The following DCLK3 variants were observed in gnomAD, a reference collection of about 807,000 sequenced individuals.
DCLK3 encodes serine/threonine-protein kinase DCLK3.
DCLK3 carries 30 observed loss-of-function variants against 46.4 expected under a neutral mutation model. That is an observed-to-expected ratio of 0.65 (90% CI 0.48 to 0.88). The LOEUF is 0.88. Ranked by LOEUF, DCLK3 falls within the 40% of genes least tolerant of loss-of-function variation. The probability of loss-of-function intolerance (pLI) is 0.00; values close to 1 mark genes in which losing one functional copy is unlikely to be tolerated. For missense variants in DCLK3, 846 were observed against 907.1 expected, an observed-to-expected ratio of 0.93 and a Z score of 0.87; for synonymous variants, 401 against 339.2, an observed-to-expected ratio of 1.18 and a Z score of -2.00.
chr3:36,733,469 C>A (rs371550792), intron 2 of DCLK3, among the ~76,000 whole-genome samples: 1 of 152,218 alleles, frequency 6.6e-6, no homozygotes, highest in East Asian at 1.9e-4. Context: ...TGGATATAAT[C>A]TCTCAGCCAT....
chr3:36,760,948 C>T (rs147859211), intron 1 of DCLK3, among the ~76,000 whole-genome samples: 2 of 152,352 alleles, frequency 1.3e-5, no homozygotes, highest in African/African-American at 2.4e-5. Flanking sequence ...GGGTATCTCG[C>T]TCAGGATCAC....
intron 4 of DCLK3, 141 bp from the exon 5 acceptor site, chr3:36,715,662 A>C (rs1700969586): frequency 7.8e-6 from 6 of 767,842 alleles, no homozygotes; most frequent in Non-Finnish European, 1.1e-5. Context: ...AGAGCAGCAC[A>C]GTCCAATAGA....
intron 1 of DCLK3, among the ~76,000 whole-genome samples, chr3:36,741,063 AG>A (rs1701339241): frequency 6.6e-6 from 1 of 152,238 alleles, no homozygotes. Flanking sequence ...TCACATTTAC[AG>A]TTAAACTACA....
intron 3 of DCLK3, among the ~76,000 whole-genome samples, chr3:36,720,101 C>T (rs1349005709): frequency 1.3e-5 from 2 of 152,160 alleles, no homozygotes; most frequent in South Asian, 4.1e-4. Context: ...GGGGTGGATC[C>T]TTCATGAATG....
intron 1 of DCLK3, among the ~76,000 whole-genome samples, chr3:36,743,599 C>T (rs942482031): frequency 1.3e-5 from 2 of 152,146 alleles, no homozygotes; most frequent in Non-Finnish European, 2.9e-5. Context: ...CTTGCTACAG[C>T]AAAATAAATT....
Position 36,757,390 on chromosome 3 carries a change from G to C in DCLK3, c.82+6792C>G, listed in dbSNP as rs139651916. 8.6e-3 allele frequency among the ~76,000 whole-genome samples: 1,309 copies of C among 152,196 alleles called. 19 individuals carry two copies. The highest frequency in any genetic ancestry group is 0.029 in the African/African-American group (1,217 of 41,504). Reference sequence around the variant, plus strand: ...GCTCTTAAAATAAAAACTGAAGGCAGAAAACTAATCTCACATTATATGGCA... The same window carrying C: ...GCTCTTAAAATAAAAACTGAAGGCACAAAACTAATCTCACATTATATGGCA... On this transcript the variant is annotated intron_variant, in intron 1 of 4. Transcript: ENST00000636136.
intron 1 of DCLK3, among the ~76,000 whole-genome samples, chr3:36,763,877 T>G (rs1701560161): frequency 6.6e-6 from 1 of 152,184 alleles, no homozygotes; most frequent in Non-Finnish European, 1.5e-5. Flanking sequence ...AGACACCCAG[T>G]GCGTTTCCCA....
intron 1 of DCLK3, among the ~76,000 whole-genome samples, chr3:36,740,333 A>G (rs1701331357): frequency 6.6e-6 from 1 of 152,138 alleles, no homozygotes; most frequent in Non-Finnish European, 1.5e-5. Flanking sequence ...AGTATAATCT[A>G]TCAATAAGGT....
chr3:36,757,637 A>G (rs1701497756), intron 1 of DCLK3, among the ~76,000 whole-genome samples: 1 of 152,214 alleles, frequency 6.6e-6, no homozygotes, highest in South Asian at 2.1e-4. Flanking sequence ...TAGACACTGC[A>G]AGATGTAGCA....
chr3:36,746,125 G>T lies in DCLK3; in HGVS notation c.83-7041C>A, dbSNP rs529802873. On this transcript the variant is annotated intron_variant, in intron 1 of 4. Coordinates refer to ENST00000636136, the MANE Select transcript of DCLK3 (RefSeq NM_001394672.2). ...ACATCAGAAACAAAGTAATTAAAGA[G>T]ACTTTTTCCTGCTCTTATCTCAGAA... Among the ~76,000 whole-genome samples the T allele has an allele frequency of 1.4e-4, 21 of 152,250 alleles. 1 individual carries two copies. In the South Asian group the frequency reaches 2.7e-3, roughly 20 times the overall value.
At chr3:36,741,677 G>A (rs1044130931) in intron 1 of DCLK3, among the ~76,000 whole-genome samples, 7 of 152,298 alleles carry the variant, frequency 4.6e-5, no homozygotes, top group South Asian at 2.1e-4. Flanking sequence ...TTGTCCACAC[G>A]GCCGCTGAGG....
chr3:36,746,611 G>C (rs1023522307), intron 1 of DCLK3, among the ~76,000 whole-genome samples: 2 of 152,134 alleles, frequency 1.3e-5, no homozygotes, highest in Non-Finnish European at 2.9e-5. Context: ...GCAAACCAGA[G>C]AGCATTTTCC....
At chr3:36,747,430 GA>G (rs36110144) in intron 1 of DCLK3, among the ~76,000 whole-genome samples, 1,760 of 151,302 alleles carry the variant, frequency 0.012, 36 homozygotes, top group African/African-American at 0.039. Flanking sequence ...TTATATGGGG[GA>G]AAAAAGGTAT....
chr3:36,731,608 C>T (rs1044049572), intron 2 of DCLK3, among the ~76,000 whole-genome samples: 5 of 152,144 alleles, frequency 3.3e-5, no homozygotes, highest in Admixed American at 2.0e-4. Flanking sequence ...GATGGGGCCA[C>T]GACTGATCCA....
chr3:36,724,387 AG>A (rs1559387414), intron 2 of DCLK3, among the ~76,000 whole-genome samples: 1 of 152,202 alleles, frequency 6.6e-6, no homozygotes, highest in Non-Finnish European at 1.5e-5. Context: ...ACTATTGAGA[AG>A]ACATGATTGG....
intron 1 of DCLK3, among the ~76,000 whole-genome samples, chr3:36,744,600 G>A (rs781091354): frequency 3.3e-5 from 5 of 152,180 alleles, no homozygotes; most frequent in Admixed American, 1.3e-4. Flanking sequence ...ACTTATTGCT[G>A]AGGATGTCCA....
At chr3:36,745,571 C>T (rs1701387203) in intron 1 of DCLK3, among the ~76,000 whole-genome samples, 1 of 152,118 alleles carries the variant, frequency 6.6e-6, no homozygotes, top group Non-Finnish European at 1.5e-5. Context: ...AGAAAGGTGC[C>T]CCTGAAAATA....
At chr3:36,726,122 C>T (rs923556786) in intron 2 of DCLK3, among the ~76,000 whole-genome samples, 2 of 151,968 alleles carry the variant, frequency 1.3e-5, no homozygotes, top group African/African-American at 2.4e-5. Flanking sequence ...ACCATGAGGG[C>T]GCAAACCCAG....
In DCLK3 at chr3:36,718,186, A is replaced by G. The variant is rs1236626011; in HGVS notation, c.2093-9T>C. ...CACCTCCAGTCCATAACCTGCGCAGACAGAGGCAGAGACACAAGCAAACCT... is the reference window on the plus strand; with the variant it reads ...CACCTCCAGTCCATAACCTGCGCAGGCAGAGGCAGAGACACAAGCAAACCT... On this transcript the variant is annotated splice_polypyrimidine_tract_variant and intron_variant, in intron 3 of 4. Transcript: ENST00000636136. The G allele has an allele frequency of 2.5e-6, 4 of 1,613,594 alleles. No individual in the cohort carries two copies. In the African/African-American group the frequency reaches 5.3e-5, roughly 22 times the overall value.
Sources: gnomAD v4.1 joint callset for allele counts (sites outside exome capture counted in the v4.1 genomes callset) on GRCh38, gnomAD v4.1.1 for gene constraint, MANE v1.5 for transcripts, NCBI Gene and HGNC (gene_info 2026-07-23, HGNC 2026-07-21) for gene names.